ANKRD10: variants seen among roughly 807,000 people sequenced by gnomAD.
ANKRD10 encodes ankyrin repeat domain 10.
A neutral mutation model predicts 27.0 loss-of-function variants in ANKRD10; 14 were observed. That is an observed-to-expected ratio of 0.52 (90% CI 0.34 to 0.81). The LOEUF is 0.81. Among genes scored for constraint, ANKRD10 ranks in the 40% least tolerant of loss-of-function variants. The probability of loss-of-function intolerance (pLI) is 0.01; values close to 1 mark genes in which losing one functional copy is unlikely to be tolerated. For missense variants in ANKRD10, 493 were observed against 544.0 expected (o/e 0.91, Z 0.93); for synonymous variants, 250 against 224.5 (o/e 1.11, Z -1.01).
At chr13:110,887,831 C>T (rs1219425858) in intron 4 of ANKRD10, among the ~76,000 whole-genome samples, 3 of 152,222 alleles carry the variant, frequency 2.0e-5, no homozygotes, top group Non-Finnish European at 1.5e-5. Flanking sequence ...CCCAGGACCC[C>T]TCCCGCCTGT....
rs951835086 is a variant in ANKRD10 at position 110,900,684 on chromosome 13, G to A, written c.455+5349C>T. The A allele has an allele frequency of 5.2e-6, 7 of 1,350,736 alleles. No individual in the cohort carries two copies. The African/African-American group carries it at 5.9e-5, about 11-fold the overall frequency. The allele number at this position is 1,350,736 out of a possible 1,614,324, so 83.7% of individuals were successfully genotyped here. A position where few individuals can be genotyped will look rare whatever the true frequency, so the allele number is the denominator to read the frequency against. On this transcript the variant is annotated intron_variant, in intron 3 of 5. Coordinates refer to ENST00000267339, the MANE Select transcript of ANKRD10 (RefSeq NM_017664.4). ...TTACTTGAAAAAATCAAGTCAATTC[G>A]AATTACGTAGCTGTAAAACATTGAC...
intron 5 of ANKRD10, among the ~76,000 whole-genome samples, chr13:110,882,538 T>A (rs116555294): frequency 3.9e-5 from 6 of 152,182 alleles, no homozygotes; most frequent in Non-Finnish European, 8.8e-5. Flanking sequence ...AACAAATAAC[T>A]AATGTCTGAG....
intron 4 of ANKRD10, among the ~76,000 whole-genome samples, chr13:110,888,711 C>CCAGGG (rs2064999243): frequency 6.6e-6 from 1 of 152,156 alleles, no homozygotes. Flanking sequence ...GATCCTTTAT[C>CCAGGG]CAGGTTAAAT....
chr13:110,893,059 T>A lies in ANKRD10; in HGVS notation c.660A>T (p.Glu220Asp). The A allele has an allele frequency of 6.2e-7, 1 of 1,614,240 alleles. No individual in the cohort carries two copies. The change falls in exon 4 of 6, where the codon GAA (glutamate) becomes GAT (aspartate). Residue 220 changes from glutamate to aspartate, a missense_variant. Physicochemically the swap from Glu to Asp is conservative, Grantham distance 45. Transcript: ENST00000267339. ...TTCTAGCTTTCTTTACTCCAAAGTC[T>A]TCTGAGTCTTCCAAGCATCTCTTTC... is the stretch of plus-strand genomic sequence containing the variant. ...TNRKRCLEDS[E>D]DFGVKKARTE...
chr13:110,887,132 T>C (rs956425902), intron 4 of ANKRD10, among the ~76,000 whole-genome samples: 3 of 152,202 alleles, frequency 2.0e-5, no homozygotes, highest in African/African-American at 4.8e-5. Flanking sequence ...TTCCTGACCC[T>C]GGGGGACACA....
chr13:110,892,902 A>G (rs1336983480), intron 4 of ANKRD10, 126 bp downstream of exon 4: 11 of 1,465,292 alleles, frequency 7.5e-6, no homozygotes, highest in African/African-American at 1.4e-5. Flanking sequence ...GTCACCGCAC[A>G]ATCCACCAGG....
chr13:110,893,334 ACTAG>A, intron 3 of ANKRD10, 71 bp from the exon 4 acceptor site: 2 of 1,439,330 alleles, frequency 1.4e-6, no homozygotes, highest in Non-Finnish European at 1.9e-6. Context: ...TGCTGAACTG[ACTAG>A]CTATCTGAAG....
chr13:110,901,776 C>T (rs939166530), intron 3 of ANKRD10, among the ~76,000 whole-genome samples: 1 of 152,176 alleles, frequency 6.6e-6, no homozygotes, highest in Non-Finnish European at 1.5e-5. Flanking sequence ...CACAGTGGCT[C>T]ACACCTGTAA....
At chr13:110,901,679 TTCC>T (rs1210846389) in intron 3 of ANKRD10, among the ~76,000 whole-genome samples, 1 of 152,330 alleles carries the variant, frequency 6.6e-6, no homozygotes, top group Admixed American at 6.5e-5. Flanking sequence ...CAGGAACTGA[TTCC>T]TCCATCCTGA....
intron 3 of ANKRD10, among the ~76,000 whole-genome samples, chr13:110,897,712 C>A (rs2065267213): frequency 6.6e-6 from 1 of 152,008 alleles, no homozygotes; most frequent in African/African-American, 2.4e-5. Context: ...GGATATATAC[C>A]CAGTAGTGGG....
At chr13:110,907,714 G>A (rs954168471) in intron 2 of ANKRD10, among the ~76,000 whole-genome samples, 8 of 152,098 alleles carry the variant, frequency 5.3e-5, no homozygotes, top group Non-Finnish European at 7.4e-5. Context: ...CAGTCAACTC[G>A]GATTTTTTAA....
rs770787951 is a variant in ANKRD10, at chr13:110,914,767, G to A, written c.168C>T (p.Phe56=). The stretch of plus-strand genomic sequence containing the variant: ...CCCAGTGCACGGGCGTCCAGCCATA[G>A]AAGGAGTCCTCAGAGGCCAGGTGGG... ...PHAHLASEDS[F]YGWTPVHWAA... Residue 56 remains phenylalanine, a synonymous_variant, in exon 1 of 6, where the codon TTC becomes TTT. Transcript: ENST00000267339. The A allele has an allele frequency of 4.4e-6, 7 of 1,599,300 alleles. No homozygotes were observed. The South Asian group carries it at 5.6e-5, about 13-fold the overall frequency.
intron 2 of ANKRD10, 62 bp downstream of exon 2, chr13:110,910,556 T>G (rs2065666596): frequency 6.3e-7 from 1 of 1,592,852 alleles, no homozygotes. Context: ...CAATACCGTG[T>G]ATAATTATAA....
intron 4 of ANKRD10, among the ~76,000 whole-genome samples, chr13:110,886,702 G>A (rs1486960812): frequency 6.6e-6 from 1 of 152,176 alleles, no homozygotes. Flanking sequence ...ATTGCTGAAG[G>A]AATCATTTAA....
chr13:110,910,554 T>C, intron 2 of ANKRD10, 64 bp downstream of exon 2: 1 of 1,586,570 alleles, frequency 6.3e-7, no homozygotes, highest in Non-Finnish European at 8.6e-7. Flanking sequence ...AGCAATACCG[T>C]GTATAATTAT....
At chr13:110,885,984 C>T (rs778232771) in intron 4 of ANKRD10, among the ~76,000 whole-genome samples, 2 of 152,228 alleles carry the variant, frequency 1.3e-5, no homozygotes, top group Non-Finnish European at 2.9e-5. Flanking sequence ...ATAGTACTCA[C>T]ATCAGCAGAT....
At chr13:110,912,552 T>TTGG (rs1457434729) in intron 1 of ANKRD10, among the ~76,000 whole-genome samples, 1 of 152,260 alleles carries the variant, frequency 6.6e-6, no homozygotes, top group Non-Finnish European at 1.5e-5. Context: ...GCTCGCTGGC[T>TTGG]TTAAACCTGT....
chr13:110,905,955 G>A, intron 3 of ANKRD10, 78 bp downstream of exon 3: 1 of 1,315,174 alleles, frequency 7.6e-7, no homozygotes. Flanking sequence ...TAGGACTTTT[G>A]CCTGCTTATG....
At chr13:110,894,515 T>C (rs1443871909) in intron 3 of ANKRD10, 1 of 185,666 alleles carries the variant, frequency 5.4e-6, no homozygotes, top group Non-Finnish European at 1.1e-5. Flanking sequence ...GTATTCGTTA[T>C]TTGCAGACAT....
Sources: gnomAD v4.1 joint callset for allele counts (sites outside exome capture counted in the v4.1 genomes callset) on GRCh38, gnomAD v4.1.1 for gene constraint, MANE v1.5 for transcripts, NCBI Gene and HGNC (gene_info 2026-07-23, HGNC 2026-07-21) for gene names.